Variants in PLXNA1 observed in about 807,000 individuals in gnomAD.
PLXNA1 encodes plexin-A1.
Under a neutral mutation model 191.7 loss-of-function variants are expected in PLXNA1, and 77 were observed. The ratio of observed to expected loss-of-function variants is 0.40; its 90% CI spans 0.33 to 0.49. The LOEUF (loss-of-function observed/expected upper bound fraction) is 0.49. PLXNA1 is among the 20% of genes least tolerant of loss of function. PLXNA1 has a pLI of 0.63. For synonymous variants in PLXNA1, 1,137 were observed against 1,156.4 expected (o/e 0.98, Z 0.34); for missense variants, 2,110 against 2,660.2 (o/e 0.79, Z 4.55).
intron 3 of PLXNA1, among the ~76,000 whole-genome samples, chr3:126,997,624 C>T (rs915717616): frequency 6.6e-6 from 1 of 152,168 alleles, no homozygotes; most frequent in South Asian, 2.1e-4. Flanking sequence ...AGCGTGTGCC[C>T]GCCCCCTTTC....
At chr3:126,999,384 T>A (rs2079029105) in intron 3 of PLXNA1, among the ~76,000 whole-genome samples, 1 of 152,042 alleles carries the variant, frequency 6.6e-6, no homozygotes, top group Non-Finnish European at 1.5e-5. Context: ...CGGAGGCAGC[T>A]CCACAGGTGC....
chr3:127,013,941 TG>T, intron 10 of PLXNA1, 78 bp from the exon 11 acceptor site: 1 of 1,297,866 alleles, frequency 7.7e-7, no homozygotes, highest in Non-Finnish European at 1.1e-6. Flanking sequence ...GCTGGCGCCC[TG>T]GTGGCTTTGT....
Position 127,020,278 on chromosome 3 carries a change from C to G in PLXNA1, c.3972C>G (p.Tyr1324Ter). ...GTGCCGGCATCCCCTTCCTTGACTA[C>G]CGGACATATGCCATGCGGGTGCTCT... ...LDGAGIPFLD[Y>*]RTYAMRVLFP... Residue 1324 changes from tyrosine to a stop codon, truncating the protein, a stop_gained, in exon 21 of 32, where the codon TAC becomes TAG. Coordinates refer to ENST00000393409, the MANE Select transcript of PLXNA1 (RefSeq NM_032242.4). LOFTEE classifies it high-confidence loss of function. The G allele has an allele frequency of 6.2e-7, 1 of 1,613,268 alleles. No homozygotes were observed. Among genetic ancestry groups the G allele is most frequent in the Non-Finnish European group, 8.5e-7 (1 of 1,179,988 alleles).
chr3:127,003,138 ACTGGGGCTGGGG>A (rs201384868), intron 3 of PLXNA1, among the ~76,000 whole-genome samples, 180 bp from the exon 4 acceptor site: 6,048 of 149,120 alleles, frequency 0.041, 141 homozygotes, highest in African/African-American at 0.055. Context: ...TTTGCCCTGC[ACTGGGGCTGGGG>A]CTGGGGCTGG....
At position 126,983,169 on chromosome 3, in the gene PLXNA1, G is replaced by A. The variant is rs1403614578; in HGVS notation, c.-192G>A. 6.9e-6 allele frequency among the ~76,000 whole-genome samples: 1 copy of A among 145,258 alleles called. No individual in the cohort carries two copies. The highest frequency in any genetic ancestry group is 1.5e-5 in the Non-Finnish European group (1 of 65,462). On this transcript the variant is annotated 5_prime_UTR_variant, in exon 1 of 32. Transcript: ENST00000393409. ...CGCAGCGGAGCCCGGGCGCGGCGGC[G>A]GCCTCGGCCTGGGCGGCCTACGCGG...
intron 1 of PLXNA1, among the ~76,000 whole-genome samples, chr3:126,987,576 G>T: frequency 6.6e-6 from 1 of 152,228 alleles, no homozygotes. Flanking sequence ...CACAGGTCTG[G>T]GTGGGTATGG....
At position 127,030,238 on chromosome 3, in the gene PLXNA1, C is replaced by A. The variant is rs764955226; in HGVS notation, c.5062-5C>A. The A allele has an allele frequency of 2.5e-5, 41 of 1,612,716 alleles. No homozygotes were observed. The South Asian group carries it at 4.5e-4, about 18-fold the overall frequency. On this transcript the variant is annotated splice_polypyrimidine_tract_variant and splice_region_variant and intron_variant, in intron 28 of 31. Transcript: ENST00000393409. The stretch of plus-strand genomic sequence containing the variant: ...GGGCTCAGTGTCCCTGCCTGCCCCC[C>A]GCAGGGCACACTGCAGAAGTTTGTG...
chr3:126,986,933 G>A (rs2078962102), intron 1 of PLXNA1, among the ~76,000 whole-genome samples: 1 of 152,196 alleles, frequency 6.6e-6, no homozygotes, highest in Non-Finnish European at 1.5e-5. Flanking sequence ...ACCATACAAG[G>A]GGTGTCTGGG....
chr3:127,004,752 A>G lies in PLXNA1; in HGVS notation c.1619+41A>G, dbSNP rs751714082. On this transcript the variant is annotated intron_variant, in intron 5 of 31. Transcript: ENST00000393409. The stretch of plus-strand genomic sequence containing the variant: ...TGGGCAGGGGCAGGCGGGGAGGGCC[A>G]TGGTGGTCTCACAGTGGGGGAGGGG... The G allele has an allele frequency of 3.2e-6, 5 of 1,583,096 alleles. No individual in the cohort carries two copies. In the Admixed American group the frequency reaches 5.2e-5, roughly 17 times the overall value.
At chr3:126,988,137 C>G (rs1424926656) in intron 1 of PLXNA1, among the ~76,000 whole-genome samples, 7 of 152,150 alleles carry the variant, frequency 4.6e-5, no homozygotes, top group Non-Finnish European at 1.0e-4. Context: ...GGGTCCTGCT[C>G]CCCAGTGCAT....
intron 10 of PLXNA1, among the ~76,000 whole-genome samples, chr3:127,013,491 C>T (rs566747026): frequency 8.5e-5 from 13 of 152,230 alleles, no homozygotes; most frequent in South Asian, 6.2e-4. Context: ...GCCAGGCTCC[C>T]GGGGAGGGGC....
intron 23 of PLXNA1, among the ~76,000 whole-genome samples, chr3:127,023,894 GC>G (rs767017283): frequency 6.6e-6 from 1 of 152,090 alleles, no homozygotes; most frequent in Non-Finnish European, 1.5e-5. Context: ...TGGGGAGAAG[GC>G]CCCAGGTGGG....
chr3:127,013,587 C>A (rs2079106365), intron 10 of PLXNA1, among the ~76,000 whole-genome samples: 1 of 152,234 alleles, frequency 6.6e-6, no homozygotes, highest in African/African-American at 2.4e-5. Flanking sequence ...GTCTCTGCCC[C>A]AGTCCGGGGA....
Position 127,034,106 on chromosome 3 carries a change from C to G in PLXNA1, c.*89C>G. ...CCTCACCGCATGCGTGTGGAGTGTC[C>G]GGTGGTGCTCGGGCCGCCGCAGTGC... On this transcript the variant is annotated 3_prime_UTR_variant, in exon 32 of 32. Coordinates refer to ENST00000393409, the MANE Select transcript of PLXNA1 (RefSeq NM_032242.4). The G allele has an allele frequency of 1.7e-6, 2 of 1,197,898 alleles. No homozygotes were observed. Among genetic ancestry groups the G allele is most frequent in the Non-Finnish European group, 2.3e-6 (2 of 854,522 alleles). 74.2% of individuals were successfully genotyped at this position (1,197,898 alleles called of 1,614,324 possible). A position where few individuals can be genotyped will look rare whatever the true frequency, so the allele number is the denominator to read the frequency against.
In PLXNA1 at chr3:127,031,574, C is replaced by G. The variant is rs531032076; in HGVS notation, c.5232-813C>G. ...CTGCCACTTCTGCTGGCTCCCGGGC[C>G]AGCAGCCACCCCCGACTTGGTCTTG... On this transcript the variant is annotated intron_variant, in intron 29 of 31. Transcript: ENST00000393409. Among the ~76,000 whole-genome samples the G allele has an allele frequency of 2.6e-5, 4 of 152,330 alleles. No homozygotes were observed. The East Asian group carries it at 7.7e-4, about 29-fold the overall frequency.
chr3:127,015,375 G>T (rs2079117986), intron 15 of PLXNA1, 55 bp downstream of exon 15: 2 of 1,566,470 alleles, frequency 1.3e-6, no homozygotes, highest in Non-Finnish European at 1.7e-6. Context: ...TGTTTCAGAT[G>T]GTTGCATGCC....
intron 2 of PLXNA1, among the ~76,000 whole-genome samples, chr3:126,990,498 AC>A (rs1223954606): frequency 1.3e-5 from 2 of 152,196 alleles, no homozygotes; most frequent in Non-Finnish European, 2.9e-5. Context: ...CTCAGAGGGC[AC>A]GGGCCTTGCT....
rs1394763031 is a variant in PLXNA1 at position 127,035,192 on chromosome 3, A to G, written c.*1175A>G. 1 of 152,200 alleles carries G rather than the reference A, an allele frequency of 6.6e-6. No homozygotes were observed. The highest frequency in any genetic ancestry group is 1.5e-5 in the Non-Finnish European group (1 of 68,042). The allele number at this position is 152,200 out of a possible 1,614,324, so 9.4% of individuals were successfully genotyped here. A position where few individuals can be genotyped will look rare whatever the true frequency, so the allele number is the denominator to read the frequency against. ...AGCGGTGTCCACCCTTGCCCTCAGCAAGAGAGAATGCATTCTTAAAAGAAA... is the reference window on the plus strand; with the variant it reads ...AGCGGTGTCCACCCTTGCCCTCAGCGAGAGAGAATGCATTCTTAAAAGAAA... On this transcript the variant is annotated 3_prime_UTR_variant, in exon 32 of 32. Transcript: ENST00000393409.
intron 9 of PLXNA1, among the ~76,000 whole-genome samples, chr3:127,010,803 T>TC (rs1264816002): frequency 6.6e-6 from 1 of 152,174 alleles, no homozygotes; most frequent in Non-Finnish European, 1.5e-5. Flanking sequence ...ACAAAGCCCG[T>TC]CCCTCACCAT....
Sources: gnomAD v4.1 joint callset for allele counts (sites outside exome capture counted in the v4.1 genomes callset) on GRCh38, gnomAD v4.1.1 for gene constraint, MANE v1.5 for transcripts, NCBI Gene and HGNC (gene_info 2026-07-23, HGNC 2026-07-21) for gene names.